The following CAST variants were observed in gnomAD, a reference collection of about 807,000 sequenced individuals.
The protein encoded by CAST is calpastatin.
A neutral mutation model predicts 119.6 loss-of-function variants in CAST; 76 were observed. The ratio of observed to expected loss-of-function variants is 0.64; its 90% confidence interval spans 0.53 to 0.77. The LOEUF is 0.77. Among genes scored for constraint, CAST ranks in the 30% least tolerant of loss-of-function variants. The pLI, the probability that CAST is intolerant of heterozygous loss-of-function variation, is 0.00. For missense variants in CAST, 953 were observed against 946.5 expected, an observed-to-expected ratio of 1.01 and a Z score of -0.09; for synonymous variants, 319 against 331.6, an observed-to-expected ratio of 0.96 and a Z score of 0.41.
the CAST span, among the ~76,000 whole-genome samples, chr5:96,092,352 T>C: frequency 3.9e-5 from 6 of 152,248 alleles, no homozygotes; most frequent in South Asian, 1.0e-3. Context: ...TTAGTATTTC[T>C]TACTGCTTAA....
intron 3 of CAST, 112 bp downstream of exon 3, chr5:96,696,019 T>C (rs1052051235): frequency 1.3e-5 from 7 of 542,626 alleles, no homozygotes; most frequent in Admixed American, 3.4e-5. Flanking sequence ...TGAAGGTTTT[T>C]TAACAAAGTA....
the CAST span, among the ~76,000 whole-genome samples, chr5:96,443,693 T>C: frequency 6.6e-6 from 1 of 152,238 alleles, no homozygotes; most frequent in African/African-American, 2.4e-5. Flanking sequence ...TGTGATTTAA[T>C]TGGTGTGGCA....
the CAST span, chr5:95,961,532 C>T: frequency 4.0e-6 from 6 of 1,504,464 alleles, no homozygotes; most frequent in Admixed American, 2.2e-5. Flanking sequence ...GTGAGGGGTG[C>T]GCTCTGCCTC....
chr5:96,757,687 G>GTTT (rs369438033), intron 24 of CAST, 33 bp downstream of exon 24: 3,672 of 1,091,874 alleles, frequency 3.4e-3, no homozygotes, highest in East Asian at 5.3e-3. Context: ...TATTTCTTTA[G>GTTT]TTTTTTTTTT....
Position 96,742,667 on chromosome 5 carries a change from G to A in CAST, c.1111G>A (p.Asp371Asn), listed in dbSNP as rs1299709617. 1.2e-6 allele frequency: 2 copies of A among 1,612,094 alleles called. No homozygotes were observed. Among genetic ancestry groups the A allele is most frequent in the African/African-American group, 1.3e-5 (1 of 74,878 alleles). Residue 371 changes from aspartate (D) to asparagine (N), a missense_variant, in exon 16 of 32, where the codon GAT (aspartate) becomes AAT (asparagine). Transcript: ENST00000675179. ...TTACTTTTAACAGGATACAATGAGT[G>A]ATCAAGCACTCGAGGCTCTGTCGGC... ...KRKVEKDTMS[D>N]QALEALSASL...
At chr5:96,539,460 C>T (rs263352) in intron 1 of CAST, among the ~76,000 whole-genome samples, 146,188 of 152,262 alleles carry the variant, frequency 0.96, 70,504 homozygotes, top group East Asian at 1. Context: ...ATTCAAACTT[C>T]CTTTCAACTC....
the CAST span, among the ~76,000 whole-genome samples, chr5:96,307,574 G>A: frequency 6.6e-6 from 1 of 152,128 alleles, no homozygotes; most frequent in African/African-American, 2.4e-5. Flanking sequence ...TGGCATGTTT[G>A]TGCAGTGGCT....
chr5:96,383,351 C>G, the CAST span, among the ~76,000 whole-genome samples: 1 of 152,108 alleles, frequency 6.6e-6, no homozygotes, highest in African/African-American at 2.4e-5. Flanking sequence ...TGTGCTATAC[C>G]CTGAGACTGA....
chr5:96,055,247 T>C, the CAST span, among the ~76,000 whole-genome samples: 1 of 152,158 alleles, frequency 6.6e-6, no homozygotes, highest in Non-Finnish European at 1.5e-5. Flanking sequence ...CAAATCATAT[T>C]GACATTTTCC....
At chr5:96,119,184 C>G in the CAST span, among the ~76,000 whole-genome samples, 4 of 152,088 alleles carry the variant, frequency 2.6e-5, no homozygotes, top group African/African-American at 9.7e-5. Flanking sequence ...CAAGGGATCT[C>G]TATTGAGGTC....
the CAST span, among the ~76,000 whole-genome samples, chr5:96,517,416 A>C: frequency 6.6e-6 from 1 of 152,300 alleles, no homozygotes; most frequent in African/African-American, 2.4e-5. Flanking sequence ...AAACAAAATG[A>C]ATTTGAGAGG....
intron 16 of CAST, among the ~76,000 whole-genome samples, chr5:96,745,011 A>G (rs1368681668): frequency 2.0e-5 from 3 of 152,152 alleles, no homozygotes; most frequent in Admixed American, 6.5e-5. Context: ...CAGAGCAGGC[A>G]TTTCAAGACT....
rs2150422731 is a variant in CAST at position 96,726,800 on chromosome 5, C to A, written c.277C>A (p.Pro93Thr). ...SMNPTETKAI[P>T]VSQQMEGPHL... is the part of the protein sequence containing the mutation. ...GGCTGTGCTCTTATATTAGGCCATT[C>A]CAGTCAGCCAACAGATGGAAGGACC... Residue 93 changes from proline to threonine, a missense_variant, in exon 5 of 32, where the codon CCA becomes ACA. Pro to Thr is a conservative substitution (Grantham distance 38, BLOSUM62 -1). Coordinates refer to ENST00000675179, the MANE Select transcript of CAST (RefSeq NM_001750.7). The A allele has an allele frequency of 1.2e-6, 2 of 1,611,862 alleles. No individual in the cohort carries two copies. The highest frequency in any genetic ancestry group is 1.7e-4 in the Middle Eastern group (1 of 6,058).
chr5:96,169,997 A>AG, the CAST span, among the ~76,000 whole-genome samples: 3 of 152,162 alleles, frequency 2.0e-5, no homozygotes, highest in African/African-American at 7.2e-5. Context: ...ATGGAGGCAA[A>AG]GGAACAAGGC....
At chr5:96,045,901 A>C in the CAST span, among the ~76,000 whole-genome samples, 1 of 152,200 alleles carries the variant, frequency 6.6e-6, no homozygotes, top group South Asian at 2.1e-4. Context: ...AAAATAAATC[A>C]CAGTATGGAG....
Position 96,741,248 on chromosome 5 carries a change from C to T in CAST, c.919-18C>T. On this transcript the variant is annotated intron_variant, in intron 13 of 31. Coordinates refer to ENST00000675179, the MANE Select transcript of CAST (RefSeq NM_001750.7). ...AGTGCTTCCCGTAAGTTACCCATCA[C>T]TGTGCCTGTTTCTTTAGAAACCCAT... is the stretch of plus-strand genomic sequence containing the variant. 6.8e-7 allele frequency: 1 copy of T among 1,464,690 alleles called. No homozygotes were observed. The highest frequency in any genetic ancestry group is 9.6e-7 in the Non-Finnish European group (1 of 1,046,494). The allele number at this position is 1,464,690 out of a possible 1,614,324, so 90.7% of individuals were successfully genotyped here. A position where few individuals can be genotyped will look rare whatever the true frequency, so the allele number is the denominator to read the frequency against.
chr5:96,551,827 T>A (rs1746132040), intron 1 of CAST, among the ~76,000 whole-genome samples: 1 of 152,112 alleles, frequency 6.6e-6, no homozygotes, highest in East Asian at 1.9e-4. Context: ...AAGAAGTCCA[T>A]TACATAATGG....
the CAST span, among the ~76,000 whole-genome samples, chr5:96,455,422 A>G: frequency 6.6e-6 from 1 of 152,244 alleles, no homozygotes; most frequent in African/African-American, 2.4e-5. Context: ...TTCTGGAAAC[A>G]AGAGTTGTTT....
chr5:96,536,526 A>G (rs1745818013), intron 1 of CAST, among the ~76,000 whole-genome samples: 1 of 152,210 alleles, frequency 6.6e-6, no homozygotes, highest in Non-Finnish European at 1.5e-5. Flanking sequence ...GTTGGTCTGT[A>G]GAGGATTAAT....
Sources: allele counts gnomAD v4.1 joint callset (sites outside exome capture counted in the v4.1 genomes callset), GRCh38; gene constraint gnomAD v4.1.1; transcripts MANE v1.5; gene names NCBI Gene and HGNC (gene_info 2026-07-23, HGNC 2026-07-21).